HAUS3: variants seen among roughly 807,000 people sequenced by gnomAD.
HAUS3 encodes the protein HAUS augmin-like complex subunit 3.
In HAUS3, 36 loss-of-function variants were observed where a neutral mutation model predicts 55.2. That is an observed-to-expected ratio of 0.65 (90% CI 0.50 to 0.86). The LOEUF is 0.86. HAUS3 is among the 40% of genes least tolerant of loss of function. The pLI is 0.00. For synonymous variants in HAUS3, 234 were observed against 238.6 expected (o/e 0.98, Z 0.18); for missense variants, 752 against 671.5 (o/e 1.12, Z -1.33).
At chr4:2,235,996 A>G (rs1404004385) in intron 5 of HAUS3, among the ~76,000 whole-genome samples, 2 of 152,204 alleles carry the variant, frequency 1.3e-5, no homozygotes, top group Non-Finnish European at 2.9e-5. Context: ...AACATTACAT[A>G]TTCTTTTGTG....
chr4:2,239,009 G>C lies in HAUS3; in HGVS notation c.944C>G (p.Ser315Cys), dbSNP rs185970300. 1.3e-5 allele frequency: 20 copies of C among 1,543,364 alleles called. No individual in the cohort carries two copies. In the East Asian group the frequency reaches 4.3e-4, roughly 33 times the overall value. Residue 315 changes from serine to cysteine, a missense_variant, in exon 4 of 6, where the codon TCT (serine) becomes TGT (cysteine). Physicochemically the swap from Ser to Cys is moderately radical, Grantham distance 112. Coordinates refer to ENST00000443786, the MANE Select transcript of HAUS3 (RefSeq NM_001303143.2). Reference protein sequence around the residue: ...VDKENLDAKISSLTSEIMKLE... With the variant: ...VDKENLDAKICSLTSEIMKLE... ...TTTCATAATCTCACTGGTCAAGCTA[G>C]AAATTTTAGCATCCAAATTTTCTTT...
chr4:2,231,899 G>A lies in HAUS3; in HGVS notation c.*28C>T, dbSNP rs555496567. ...TCTTCTAATAAATAAAAGAGGACAC[G>A]TAATAAAGATTCAGTTTTCAGTAAT... is the stretch of plus-strand genomic sequence containing the variant. On this transcript the variant is annotated 3_prime_UTR_variant, in exon 6 of 6. Coordinates refer to ENST00000443786, the MANE Select transcript of HAUS3 (RefSeq NM_001303143.2). 61 of 953,142 alleles carry A rather than the reference G, an allele frequency of 6.4e-5. No individual in the cohort carries two copies. Among genetic ancestry groups the A allele is most frequent in the South Asian group, 6.1e-4 (41 of 66,752 alleles). The allele number at this position is 953,142 out of a possible 1,614,324, so 59.0% of individuals were successfully genotyped here.
intron 5 of HAUS3, chr4:2,234,171 G>A (rs1734677084): frequency 6.6e-6 from 1 of 152,170 alleles, no homozygotes; most frequent in Non-Finnish European, 1.5e-5. Flanking sequence ...AAACTATTTA[G>A]AGAGTAAAAA....
intron 4 of HAUS3, among the ~76,000 whole-genome samples, chr4:2,237,735 A>G (rs755864207): frequency 2.4e-4 from 37 of 152,250 alleles, no homozygotes; most frequent in Non-Finnish European, 5.0e-4. Flanking sequence ...TAAACCATGT[A>G]AAATATAAAA....
rs1360518823 is a variant in HAUS3, at chr4:2,240,168, A to G, written c.779T>C (p.Leu260Pro). 3.1e-6 allele frequency: 5 copies of G among 1,613,868 alleles called. No homozygotes were observed. In the Admixed American group the frequency reaches 5.0e-5, roughly 16 times the overall value. The part of the protein sequence containing the change: ...DNQEILEERR[L>P]EMARLQLAYI... ...TGCGAGCTGCAGTCTAGCCATCTCT[A>G]GTCGTCTCTCCTCAAGGATTTCTTG... The change falls in exon 3 of 6, where the codon CTA becomes CCA. Residue 260 changes from leucine to proline, a missense_variant. Physicochemically the swap from Leu to Pro is moderately conservative, Grantham distance 98. Coordinates refer to ENST00000443786, the MANE Select transcript of HAUS3 (RefSeq NM_001303143.2).
At position 2,236,294 on chromosome 4, in the gene HAUS3, A is replaced by T; in HGVS notation, c.1512T>A (p.Asn504Lys). 1.2e-6 allele frequency: 2 copies of T among 1,613,778 alleles called. No individual in the cohort carries two copies. Among genetic ancestry groups the T allele is most frequent in the Non-Finnish European group, 1.7e-6 (2 of 1,179,828 alleles). Residue 504 changes from asparagine (N) to lysine (K), a missense_variant, in exon 5 of 6, where the codon AAT becomes AAA. Physicochemically the swap from Asn to Lys is moderately conservative, Grantham distance 94. Coordinates refer to ENST00000443786, the MANE Select transcript of HAUS3 (RefSeq NM_001303143.2). ...QEHSFFLSKR[N>K]KDVDMLCDTL... ...TATCACAAAGCATGTCCACATCCTT[A>T]TTCCGTTTGGACAGAAAGAAAGAAT...
At position 2,239,029 on chromosome 4, in the gene HAUS3, T is replaced by C; in HGVS notation, c.924A>G (p.Glu308=). Residue 308 remains glutamate, a synonymous_variant, in exon 4 of 6, where the codon GAA becomes GAG. Coordinates refer to ENST00000443786, the MANE Select transcript of HAUS3 (RefSeq NM_001303143.2). ...AGCTAGAAATTTTAGCATCCAAATTTTCTTTGTCCACAGCCTATACAAAGA... is the reference window on the plus strand; with the variant it reads ...AGCTAGAAATTTTAGCATCCAAATTCTCTTTGTCCACAGCCTATACAAAGA... The part of the protein sequence containing the change: ...HSLTSKAVDK[E]NLDAKISSLT... 3 of 1,531,786 alleles carry C rather than the reference T, an allele frequency of 2.0e-6. No individual in the cohort carries two copies. The highest frequency in any genetic ancestry group is 2.6e-6 in the Non-Finnish European group (3 of 1,145,494). The allele number at this position is 1,531,786 out of a possible 1,614,324, so 94.9% of individuals were successfully genotyped here.
chr4:2,240,776 TTC>T lies in HAUS3; in HGVS notation c.169_170del (p.Glu57IlefsTer5). ...TCTGAAGAATGCTAAAAGCTTCCAA[TTC>T]TCTTTCAGACAACACGTTCTGTTCA... ...VNEQNVLSER[E>X]LEAFSILQKS... On this transcript the variant is annotated frameshift_variant, in exon 3 of 6. Coordinates refer to ENST00000443786, the MANE Select transcript of HAUS3 (RefSeq NM_001303143.2). LOFTEE classifies it high-confidence loss of function. 1 of 1,613,966 alleles carries T rather than the reference TTC, an allele frequency of 6.2e-7. No individual in the cohort carries two copies. Among genetic ancestry groups the T allele is most frequent in the East Asian group, 2.2e-5 (1 of 44,872 alleles).
intron 4 of HAUS3, among the ~76,000 whole-genome samples, chr4:2,236,975 A>G (rs963473178): frequency 6.6e-6 from 1 of 151,646 alleles, no homozygotes; most frequent in Non-Finnish European, 1.5e-5. Flanking sequence ...TCAGTACAGA[A>G]ATATATATTC....
At chr4:2,232,264 C>G (rs755278290) in intron 5 of HAUS3, 104 bp from the exon 6 acceptor site, 1 of 534,198 alleles carries the variant, frequency 1.9e-6, no homozygotes, top group Non-Finnish European at 3.2e-6. Context: ...GACTTAATAA[C>G]TTCCCGCAAT....
At chr4:2,241,126 A>AT in intron 2 of HAUS3, 33 bp from the exon 3 acceptor site, 1 of 530,610 alleles carries the variant, frequency 1.9e-6, no homozygotes, top group Admixed American at 3.8e-5. Flanking sequence ...TTAGACCACA[A>AT]ATATGACGAC....
Position 2,238,854 on chromosome 4 carries a change from T to A in HAUS3, c.1099A>T (p.Thr367Ser), listed in dbSNP as rs1362919844. 2.5e-6 allele frequency: 4 copies of A among 1,613,104 alleles called. No individual in the cohort carries two copies. Among genetic ancestry groups the A allele is most frequent in the Non-Finnish European group, 2.5e-6 (3 of 1,179,508 alleles). Residue 367 changes from threonine to serine, a missense_variant, in exon 4 of 6, where the codon ACA becomes TCA. Thr to Ser is a moderately conservative substitution (Grantham distance 58). Coordinates refer to ENST00000443786, the MANE Select transcript of HAUS3 (RefSeq NM_001303143.2). The part of the protein sequence containing the change: ...DLQIAKQDYY[T>S]ARQELVLNQL... ...TTTAAAACTAACTCTTGTCTTGCTG[T>A]ATAATAATCTTGTTTAGCAATCTGC... is the stretch of plus-strand genomic sequence containing the variant.
At position 2,232,024 on chromosome 4, in the gene HAUS3, A is replaced by C. The variant is rs1197292603; in HGVS notation, c.1715T>G (p.Phe572Cys). The change falls in exon 6 of 6, where the codon TTC becomes TGC. Residue 572 changes from phenylalanine to cysteine, a missense_variant. Phe to Cys is a radical substitution (Grantham distance 205). Coordinates refer to ENST00000443786, the MANE Select transcript of HAUS3 (RefSeq NM_001303143.2). ...NNKLHQMERE[F>C]YVYFLKDEDY... Reference sequence around the variant, plus strand: ...TTCATCTTTTAAAAAATATACATAGAATTCTCTTTCCATTTGATGTAATTT... The same window carrying C: ...TTCATCTTTTAAAAAATATACATAGCATTCTCTTTCCATTTGATGTAATTT... 3.3e-6 allele frequency: 5 copies of C among 1,511,470 alleles called. No homozygotes were observed. The allele number at this position is 1,511,470 out of a possible 1,614,324, so 93.6% of individuals were successfully genotyped here.
intron 2 of HAUS3, among the ~76,000 whole-genome samples, 177 bp from the exon 3 acceptor site, chr4:2,241,270 C>A (rs528320547): frequency 6.6e-6 from 1 of 152,096 alleles, no homozygotes; most frequent in Non-Finnish European, 1.5e-5. Context: ...CTCAGAAAAC[C>A]GCAACAGTAA....
chr4:2,238,131 CAATT>C (rs1276597185), intron 4 of HAUS3, among the ~76,000 whole-genome samples: 1 of 152,280 alleles, frequency 6.6e-6, no homozygotes, highest in African/African-American at 2.4e-5. Context: ...CCTCTGCCAT[CAATT>C]GCTCAGACAT....
intron 1 of HAUS3, 106 bp downstream of exon 1, chr4:2,241,945 C>T (rs962696279): frequency 5.1e-6 from 5 of 985,562 alleles, no homozygotes; most frequent in Non-Finnish European, 6.0e-6. Flanking sequence ...GGAAGGAGCC[C>T]CCAGGAGCGC....
rs2108781285 is a variant in HAUS3, at chr4:2,240,457, T to C, written c.490A>G (p.Asn164Asp). 1 of 1,614,014 alleles carries C rather than the reference T, an allele frequency of 6.2e-7. No individual in the cohort carries two copies. The highest frequency in any genetic ancestry group is 2.2e-5 in the East Asian group (1 of 44,874). Residue 164 changes from asparagine to aspartate, a missense_variant, in exon 3 of 6, where the codon AAT becomes GAT. Coordinates refer to ENST00000443786, the MANE Select transcript of HAUS3 (RefSeq NM_001303143.2). ...ILNAMITKISNELQALTDEVT... is the reference protein window; with the variant it reads ...ILNAMITKISDELQALTDEVT... Reference sequence around the variant, plus strand: ...TCATCAGTAAGAGCCTGAAGTTCATTACTGATCTTAGTGATCATTGCATTT... The same window carrying C: ...TCATCAGTAAGAGCCTGAAGTTCATCACTGATCTTAGTGATCATTGCATTT...
chr4:2,241,226 A>C, intron 2 of HAUS3, 133 bp from the exon 3 acceptor site: 2 of 335,336 alleles, frequency 6.0e-6, no homozygotes, highest in Non-Finnish European at 1.1e-5. Context: ...ATGTTTGATG[A>C]TGATAAAGAG....
At position 2,231,814 on chromosome 4, in the gene HAUS3, C is replaced by T. The variant is rs1577792405; in HGVS notation, c.*113G>A. On this transcript the variant is annotated 3_prime_UTR_variant, in exon 6 of 6. Coordinates refer to ENST00000443786, the MANE Select transcript of HAUS3 (RefSeq NM_001303143.2). ...AAATTAATATAATAGTTCAATTCATCAAATTAAATGTTCCATTGACCTCAA... is the reference window on the plus strand; with the variant it reads ...AAATTAATATAATAGTTCAATTCATTAAATTAAATGTTCCATTGACCTCAA... 1.6e-6 allele frequency: 1 copy of T among 607,738 alleles called. No individual in the cohort carries two copies. The highest frequency in any genetic ancestry group is 3.1e-5 in the East Asian group (1 of 32,112). 37.6% of individuals were successfully genotyped at this position (607,738 alleles called of 1,614,324 possible). A position where few individuals can be genotyped will look rare whatever the true frequency, so the allele number is the denominator to read the frequency against.
Sources: allele counts gnomAD v4.1 joint callset (sites outside exome capture counted in the v4.1 genomes callset), GRCh38; gene constraint gnomAD v4.1.1; transcripts MANE v1.5; gene names NCBI Gene and HGNC (gene_info 2026-07-23, HGNC 2026-07-21).